Variants in DCLK1 observed in about 807,000 individuals in gnomAD.
DCLK1 encodes serine/threonine-protein kinase DCLK1.
In DCLK1, 16 loss-of-function variants were observed where a neutral mutation model predicts 86.2. The observed-to-expected ratio is 0.19, with a 90% confidence interval of 0.13 to 0.28. The LOEUF is 0.28. DCLK1 is among the 10% of genes least tolerant of loss of function. The pLI is 1.00. For synonymous variants in DCLK1, 369 were observed against 370.5 expected (o/e 1.00, Z 0.05); for missense variants, 590 against 940.2 (o/e 0.63, Z 4.87).
intron 3 of DCLK1, among the ~76,000 whole-genome samples, chr13:35,979,048 C>G (rs1593788105): frequency 6.6e-6 from 1 of 152,274 alleles, no homozygotes; most frequent in East Asian, 1.9e-4. Flanking sequence ...AAATGAGAAA[C>G]CTGAGCTCTG....
intron 6 of DCLK1, among the ~76,000 whole-genome samples, chr13:35,845,706 T>A (rs1870127902): frequency 6.6e-6 from 1 of 152,264 alleles, no homozygotes; most frequent in Non-Finnish European, 1.5e-5. Context: ...ATTTTGTTAT[T>A]ACTGTCAGCA....
intron 16 of DCLK1, among the ~76,000 whole-genome samples, chr13:35,782,286 A>T (rs1048315940): frequency 6.6e-6 from 1 of 152,086 alleles, no homozygotes; most frequent in African/African-American, 2.4e-5. Flanking sequence ...ATTACAGCCA[A>T]TTGGTGGCGG....
intron 5 of DCLK1, chr13:35,855,968 G>T: frequency 1.8e-6 from 1 of 547,210 alleles, no homozygotes; most frequent in Non-Finnish European, 2.3e-6. Context: ...ACACAATTCA[G>T]TGGCAAGGTA....
At chr13:35,883,177 G>T (rs1415807170) in intron 4 of DCLK1, among the ~76,000 whole-genome samples, 1 of 152,168 alleles carries the variant, frequency 6.6e-6, no homozygotes, top group East Asian at 1.9e-4. Flanking sequence ...TTAAGCAAGG[G>T]CAGTTGTTGT....
intron 3 of DCLK1, among the ~76,000 whole-genome samples, chr13:36,018,541 A>C (rs1030330078): frequency 3.9e-5 from 6 of 152,292 alleles, no homozygotes; most frequent in African/African-American, 7.2e-5. Context: ...ATGGTTGCTC[A>C]ATTGAACAAA....
chr13:35,794,696 G>A (rs901388733), intron 15 of DCLK1, among the ~76,000 whole-genome samples: 12 of 152,190 alleles, frequency 7.9e-5, no homozygotes, highest in African/African-American at 1.9e-4. Context: ...TCTTTTCTTC[G>A]TAACTTGGGT....
At chr13:35,998,736 C>G (rs2153145371) in intron 3 of DCLK1, among the ~76,000 whole-genome samples, 1 of 152,216 alleles carries the variant, frequency 6.6e-6, no homozygotes, top group South Asian at 2.1e-4. Context: ...AAAAAGTGCC[C>G]TAACCTTTTC....
intron 3 of DCLK1, among the ~76,000 whole-genome samples, chr13:35,984,951 C>T (rs1259869938): frequency 1.3e-5 from 2 of 152,006 alleles, no homozygotes; most frequent in African/African-American, 4.8e-5. Context: ...TGTGGCAGTG[C>T]CCTGGTCCCA....
rs578080649 is a variant in DCLK1, at chr13:35,774,174, A to T, written c.*361T>A. ...ACATCCAAAGGCCTGAAAAATTCCC[A>T]AACAAGAATTCTCAATAAAATTCTA... is the stretch of plus-strand genomic sequence containing the variant. On this transcript the variant is annotated 3_prime_UTR_variant, in exon 17 of 17. Transcript: ENST00000360631. 1 of 178,472 alleles carries T rather than the reference A, an allele frequency of 5.6e-6. No homozygotes were observed. Among genetic ancestry groups the T allele is most frequent in the African/African-American group, 2.4e-5 (1 of 42,492 alleles). The allele number at this position is 178,472 out of a possible 1,614,324, so 11.1% of individuals were successfully genotyped here. A position where few individuals can be genotyped will look rare whatever the true frequency, so the allele number is the denominator to read the frequency against.
rs760195385 is a variant in DCLK1, at chr13:35,887,878, C to CAAAAAAAAAAAAAAAAAAAAA, written c.824-16559_824-16539dup. ...TGGACAGCATAGTAAGATCTTGTCT[C>CAAAAAAAAAAAAAAAAAAAAA]AAAAAAAAAAAAAAAAAAAAAAAAA... On this transcript the variant is annotated intron_variant, in intron 4 of 16. Transcript: ENST00000360631. 1.0e-4 allele frequency among the ~76,000 whole-genome samples: 4 copies of CAAAAAAAAAAAAAAAAAAAAA among 38,742 alleles called. 1 individual carries two copies. Among genetic ancestry groups the CAAAAAAAAAAAAAAAAAAAAA allele is most frequent in the Non-Finnish European group, 1.5e-4 (3 of 20,570 alleles). 25.4% of individuals were successfully genotyped at this position (38,742 alleles called of 152,430 possible).
intron 4 of DCLK1, among the ~76,000 whole-genome samples, chr13:35,906,313 C>CTTTT (rs11358132): frequency 7.3e-6 from 1 of 137,690 alleles, no homozygotes; most frequent in Non-Finnish European, 1.6e-5. Context: ...CAAGTATTTT[C>CTTTT]TTTTTTTTTT....
intron 4 of DCLK1, among the ~76,000 whole-genome samples, chr13:35,899,630 G>A (rs1874228042): frequency 6.6e-6 from 1 of 152,222 alleles, no homozygotes; most frequent in South Asian, 2.1e-4. Context: ...CATTAAAAAA[G>A]TGTTAGATTA....
intron 5 of DCLK1, among the ~76,000 whole-genome samples, chr13:35,870,606 C>T (rs1872198155): frequency 6.6e-6 from 1 of 152,146 alleles, no homozygotes; most frequent in Admixed American, 6.5e-5. Flanking sequence ...TCACCTGAGA[C>T]AAACAAAGAA....
intron 3 of DCLK1, among the ~76,000 whole-genome samples, chr13:36,001,801 A>G (rs1014372181): frequency 3.3e-5 from 5 of 152,136 alleles, no homozygotes; most frequent in Admixed American, 3.3e-4. Flanking sequence ...AAGATGAAAG[A>G]TCAGAACCCA....
At chr13:36,105,826 G>C (rs530197395) in intron 3 of DCLK1, among the ~76,000 whole-genome samples, 1 of 152,206 alleles carries the variant, frequency 6.6e-6, no homozygotes, top group South Asian at 2.1e-4. Flanking sequence ...TTTGTTGCAG[G>C]GATAACTGAC....
intron 4 of DCLK1, among the ~76,000 whole-genome samples, chr13:35,921,205 C>T (rs1169618443): frequency 6.6e-6 from 1 of 152,178 alleles, no homozygotes; most frequent in Non-Finnish European, 1.5e-5. Context: ...AGAAGGTTTA[C>T]CACAGCCTGG....
chr13:35,837,790 G>A (rs1326248454), intron 7 of DCLK1, among the ~76,000 whole-genome samples: 1 of 152,112 alleles, frequency 6.6e-6, no homozygotes, highest in Non-Finnish European at 1.5e-5. Flanking sequence ...GCCAGGCTGG[G>A]TGTGGTGGCT....
chr13:35,995,027 A>C (rs1419078380), intron 3 of DCLK1, among the ~76,000 whole-genome samples: 1 of 152,228 alleles, frequency 6.6e-6, no homozygotes, highest in Admixed American at 6.5e-5. Context: ...AAATTCAGAA[A>C]GCTATGAAGA....
At chr13:36,105,453 T>C (rs1289488540) in intron 3 of DCLK1, among the ~76,000 whole-genome samples, 1 of 152,188 alleles carries the variant, frequency 6.6e-6, no homozygotes, top group Admixed American at 6.5e-5. Flanking sequence ...CAGGCATTAT[T>C]ATCATTATTA....
Sources: allele counts gnomAD v4.1 joint callset (sites outside exome capture counted in the v4.1 genomes callset), GRCh38; gene constraint gnomAD v4.1.1; transcripts MANE v1.5; gene names NCBI Gene and HGNC (gene_info 2026-07-23, HGNC 2026-07-21).